The following UNC5C variants were observed in gnomAD, a reference collection of about 807,000 sequenced individuals.
UNC5C encodes the protein unc-5 netrin receptor C, also known as netrin receptor UNC5C.
UNC5C carries 47 observed loss-of-function variants against 99.8 expected under a neutral mutation model. That is an observed-to-expected ratio of 0.47 (90% CI 0.37 to 0.60). The LOEUF is 0.60. Ranked by LOEUF, UNC5C falls within the 20% of genes least tolerant of loss-of-function variation. The probability of loss-of-function intolerance (pLI) is 0.00; values close to 1 mark genes in which losing one functional copy is unlikely to be tolerated. For missense variants in UNC5C, 1,062 were observed against 1,165.9 expected (o/e 0.91, Z 1.30); for synonymous variants, 487 against 452.2 (o/e 1.08, Z -0.98).
chr4:95,289,150 C>T (rs1029699337), intron 3 of UNC5C, among the ~76,000 whole-genome samples: 11 of 152,194 alleles, frequency 7.2e-5, no homozygotes. Flanking sequence ...ACACTTAGGA[C>T]AGTGCAGTTA....
intron 4 of UNC5C, among the ~76,000 whole-genome samples, chr4:95,256,987 T>A (rs13114609): frequency 6.6e-6 from 1 of 152,050 alleles, no homozygotes; most frequent in African/African-American, 2.4e-5. Flanking sequence ...AGATAGATGG[T>A]GCTCACCCAG....
chr4:95,346,218 C>T (rs1382337288), intron 1 of UNC5C, among the ~76,000 whole-genome samples: 2 of 151,734 alleles, frequency 1.3e-5, no homozygotes, highest in Non-Finnish European at 2.9e-5. Context: ...TACATCCTAC[C>T]AAGATTGAAA....
chr4:95,452,565 T>C lies in UNC5C; in HGVS notation c.124+96169A>G, dbSNP rs575679056. ...TGTGACGTGTTATCCAGAGGAAAGA[T>C]GAAATGAGCAGAAAACAATTTCCTT... is the stretch of plus-strand genomic sequence containing the variant. On this transcript the variant is annotated intron_variant, in intron 1 of 15. Transcript: ENST00000453304. Among the ~76,000 whole-genome samples, 115 of 152,206 alleles carry C rather than the reference T, an allele frequency of 7.6e-4. 1 individual carries two copies. In the South Asian group the frequency reaches 0.011, roughly 15 times the overall value.
At chr4:95,541,524 T>C (rs558275258) in intron 1 of UNC5C, among the ~76,000 whole-genome samples, 1 of 152,354 alleles carries the variant, frequency 6.6e-6, no homozygotes, top group African/African-American at 2.4e-5. Flanking sequence ...ACGTACCCCA[T>C]TAGATTGCAC....
At chr4:95,342,637 A>G (rs1389753746) in intron 1 of UNC5C, among the ~76,000 whole-genome samples, 3 of 151,654 alleles carry the variant, frequency 2.0e-5, no homozygotes, top group African/African-American at 4.8e-5. Context: ...TCTGCTTGAG[A>G]AAAAGGGAGG....
intron 5 of UNC5C, chr4:95,248,673 T>G: frequency 2.3e-6 from 1 of 428,702 alleles, no homozygotes; most frequent in East Asian, 7.1e-5. Context: ...TGACAAATTC[T>G]TAACTCCTTC....
chr4:95,310,901 A>C (rs974423526), intron 2 of UNC5C, among the ~76,000 whole-genome samples: 1 of 152,192 alleles, frequency 6.6e-6, no homozygotes, highest in Admixed American at 6.6e-5. Flanking sequence ...ATTATAAGAC[A>C]ATATTACATA....
intron 1 of UNC5C, among the ~76,000 whole-genome samples, chr4:95,512,082 A>AAGGAGGC (rs926626033): frequency 3.3e-5 from 5 of 152,048 alleles, no homozygotes; most frequent in African/African-American, 1.2e-4. Flanking sequence ...GGGTCTGGAG[A>AAGGAGGC]AGGAGGCAGG....
At chr4:95,219,875 C>T in intron 8 of UNC5C, 110 bp downstream of exon 8, 2 of 1,163,854 alleles carry the variant, frequency 1.7e-6, no homozygotes, top group Non-Finnish European at 2.4e-6. Flanking sequence ...ACTCAAATTG[C>T]TGTCTTCATG....
Position 95,399,892 on chromosome 4 carries a change from A to G in UNC5C, c.125-64261T>C, listed in dbSNP as rs147643684. ...TTTTTGTTTGTTTGTCTTTCATGTT[A>G]GTCTTCCCCATTAGACTATGCTTTA... On this transcript the variant is annotated intron_variant, in intron 1 of 15. Coordinates refer to ENST00000453304, the MANE Select transcript of UNC5C (RefSeq NM_003728.4). Among the ~76,000 whole-genome samples the G allele has an allele frequency of 5.3e-5, 8 of 152,240 alleles. No homozygotes were observed. The East Asian group carries it at 1.5e-3, about 29-fold the overall frequency.
At chr4:95,408,154 G>A (rs1479336599) in intron 1 of UNC5C, among the ~76,000 whole-genome samples, 1 of 152,042 alleles carries the variant, frequency 6.6e-6, no homozygotes, top group Non-Finnish European at 1.5e-5. Flanking sequence ...ATTCAATAAA[G>A]ACTTCAAAGC....
At chr4:95,531,799 C>T (rs771797697) in intron 1 of UNC5C, among the ~76,000 whole-genome samples, 19 of 152,196 alleles carry the variant, frequency 1.2e-4, no homozygotes, top group Non-Finnish European at 1.9e-4. Context: ...ACCATTGTGC[C>T]CTGCACGAGA....
At chr4:95,365,017 G>A (rs972811944) in intron 1 of UNC5C, among the ~76,000 whole-genome samples, 8 of 150,630 alleles carry the variant, frequency 5.3e-5, no homozygotes, top group South Asian at 4.2e-4. Context: ...TATTTAGGTC[G>A]GGTGCAGTGG....
At chr4:95,285,864 T>C (rs988008777) in intron 3 of UNC5C, among the ~76,000 whole-genome samples, 3 of 152,096 alleles carry the variant, frequency 2.0e-5, no homozygotes, top group Non-Finnish European at 4.4e-5. Context: ...TTATTGTAAG[T>C]CAAAAAGGTC....
intron 1 of UNC5C, among the ~76,000 whole-genome samples, chr4:95,386,361 C>A (rs1745211687): frequency 6.6e-6 from 1 of 152,132 alleles, no homozygotes; most frequent in Non-Finnish European, 1.5e-5. Context: ...AATGCTATCC[C>A]TCCCCCATCC....
At chr4:95,504,325 C>A (rs1278328457) in intron 1 of UNC5C, among the ~76,000 whole-genome samples, 1 of 152,054 alleles carries the variant, frequency 6.6e-6, no homozygotes, top group East Asian at 1.9e-4. Context: ...CTAAATACAG[C>A]AAAAAAGCAA....
At chr4:95,182,165 A>C (rs944064709) in intron 14 of UNC5C, among the ~76,000 whole-genome samples, 1 of 152,162 alleles carries the variant, frequency 6.6e-6, no homozygotes, top group African/African-American at 2.4e-5. Context: ...CTTAAGGAGA[A>C]GTTTTAGATA....
chr4:95,440,320 A>G (rs1482861079), intron 1 of UNC5C, among the ~76,000 whole-genome samples: 1 of 152,196 alleles, frequency 6.6e-6, no homozygotes, highest in East Asian at 1.9e-4. Flanking sequence ...AAATGTGGAA[A>G]AGAGACAACC....
intron 1 of UNC5C, among the ~76,000 whole-genome samples, chr4:95,367,192 T>A (rs1388820217): frequency 6.6e-6 from 1 of 151,250 alleles, no homozygotes; most frequent in Non-Finnish European, 1.5e-5. Flanking sequence ...CCATTCTTTT[T>A]TTTTTTTTTT....
Sources: gnomAD v4.1 joint callset for allele counts (sites outside exome capture counted in the v4.1 genomes callset) on GRCh38, gnomAD v4.1.1 for gene constraint, MANE v1.5 for transcripts, NCBI Gene and HGNC (gene_info 2026-07-23, HGNC 2026-07-21) for gene names.